Variants in PEAR1 observed in about 807,000 individuals in gnomAD.
PEAR1 encodes the protein platelet endothelial aggregation receptor 1.
PEAR1 carries 113 observed loss-of-function variants against 131.2 expected under a neutral mutation model. The observed-to-expected ratio is 0.86, with a 90% confidence interval of 0.74 to 1.01. The LOEUF (loss-of-function observed/expected upper bound fraction) is 1.01, where lower values mean the gene tolerates loss of function less well. PEAR1 is among the 50% of genes least tolerant of loss of function. The pLI is 0.00. For missense variants in PEAR1, 1,408 were observed against 1,391.1 expected, an observed-to-expected ratio of 1.01 and a Z score of -0.19; for synonymous variants, 565 against 523.3, an observed-to-expected ratio of 1.08 and a Z score of -1.09.
intron 18 of PEAR1, 59 bp from the exon 19 acceptor site, chr1:156,913,135 A>G (rs955799024): frequency 2.2e-5 from 34 of 1,576,350 alleles, no homozygotes; most frequent in Non-Finnish European, 2.9e-5. Flanking sequence ...GGGACAAAAC[A>G]GCTCTCTTGG....
Position 156,913,925 on chromosome 1 carries a change from G to A in PEAR1, c.2787G>A (p.Arg929=), listed in dbSNP as rs756263872. 2 of 1,614,066 alleles carry A rather than the reference G, an allele frequency of 1.2e-6. No homozygotes were observed. The highest frequency in any genetic ancestry group is 1.7e-5 in the Admixed American group (1 of 60,018). The part of the protein sequence containing the change: ...LSSENPYATI[R]DLPSLPGGPR... Reference sequence around the variant, plus strand: ...GTGAGAACCCATATGCCACCATCCGGGACCTGCCCAGCTTGCCAGGGGGCC... The same window carrying A: ...GTGAGAACCCATATGCCACCATCCGAGACCTGCCCAGCTTGCCAGGGGGCC... The change falls in exon 22 of 23, where the codon CGG becomes CGA. Residue 929 remains arginine (R), a synonymous_variant. Transcript: ENST00000292357.
rs772359257 is a variant in PEAR1 at position 156,907,927 on chromosome 1, T to C, written c.778T>C (p.Ser260Pro). The C allele has an allele frequency of 5.6e-6, 9 of 1,593,216 alleles. No individual in the cohort carries two copies. In the South Asian group the frequency reaches 1.0e-4, roughly 18 times the overall value. ...CPPGWMGTIC[S>P]LPCPEGFHGP... ...CTTATCCCCACAGGGCACCATCTGC[T>C]CCCTGCCCTGCCCAGAGGGCTTTCA... The change falls in exon 8 of 23, where the codon TCC (serine) becomes CCC (proline). Residue 260 changes from serine to proline, a missense_variant. By Grantham distance (74) the Ser-to-Pro change is moderately conservative (BLOSUM62 -1). Transcript: ENST00000292357.
At chr1:156,914,573 T>A in intron 22 of PEAR1, 74 bp from the exon 23 acceptor site, 1 of 1,433,126 alleles carries the variant, frequency 7.0e-7, no homozygotes, top group Non-Finnish European at 9.5e-7. Flanking sequence ...AGGAGAGGAG[T>A]GCAGTGGGAG....
In PEAR1 at chr1:156,907,976, G is replaced by A; in HGVS notation, c.827G>A (p.Cys276Tyr). The A allele has an allele frequency of 6.3e-7, 1 of 1,579,364 alleles. No homozygotes were observed. The highest frequency in any genetic ancestry group is 8.6e-7 in the Non-Finnish European group (1 of 1,161,674). ...CACGGACCCAACTGCTCCCAGGAAT[G>A]TCGCTGCCACAACGGCGGCCTCTGT... ...GFHGPNCSQE[C>Y]RCHNGGLCDR... Residue 276 changes from cysteine to tyrosine, a missense_variant, in exon 8 of 23, where the codon TGT becomes TAT. By Grantham distance (194) the Cys-to-Tyr change is radical. Transcript: ENST00000292357.
chr1:156,910,240 GCTGCCAC>G lies in PEAR1; in HGVS notation c.1689_1695del (p.His564ProfsTer119). 1 of 1,609,956 alleles carries G rather than the reference GCTGCCAC, an allele frequency of 6.2e-7. No homozygotes were observed. The highest frequency in any genetic ancestry group is 8.5e-7 in the Non-Finnish European group (1 of 1,177,478). The stretch of plus-strand genomic sequence containing the variant: ...CGACTGCTGTCTCCCACAGGTGCCC[GCTGCCAC>G]CTGTCCTGCCCTGAGGGCTTATGGG... On this transcript the variant is annotated frameshift_variant, in exon 14 of 23. Transcript: ENST00000292357. LOFTEE classifies it high-confidence loss of function.
chr1:156,913,762 T>C lies in PEAR1; in HGVS notation c.2713+2T>C. 1 of 1,613,774 alleles carries C rather than the reference T, an allele frequency of 6.2e-7. No homozygotes were observed. The highest frequency in any genetic ancestry group is 8.5e-7 in the Non-Finnish European group (1 of 1,179,872). On this transcript the variant is annotated splice_donor_variant, in intron 21 of 22. Transcript: ENST00000292357. LOFTEE classifies it high-confidence loss of function. ...GCCCAGGCCCATTCTACAATAAAGG[T>C]ATGGGCACAGGGGCAACAAGGGAGG...
intron 3 of PEAR1, 177 bp downstream of exon 3, chr1:156,905,029 C>A (rs538369602): frequency 6.6e-7 from 1 of 1,521,722 alleles, no homozygotes; most frequent in South Asian, 1.2e-5. Flanking sequence ...TATGTGAATG[C>A]GTGTATGTGT....
chr1:156,912,307 G>A lies in PEAR1; in HGVS notation c.2012G>A (p.Gly671Glu). The A allele has an allele frequency of 6.2e-7, 1 of 1,613,998 alleles. No homozygotes were observed. Among genetic ancestry groups the A allele is most frequent in the South Asian group, 1.1e-5 (1 of 91,078 alleles). Reference protein sequence around the residue: ...CAQTCQCHHGGTCHPQDGSCI... With the variant: ...CAQTCQCHHGETCHPQDGSCI... ...CAGACCTGCCAATGTCACCATGGTG[G>A]GACCTGCCATCCCCAGGATGGGAGC... is the stretch of plus-strand genomic sequence containing the variant. The change falls in exon 16 of 23, where the codon GGG becomes GAG. Residue 671 changes from glycine (G) to glutamate (E), a missense_variant. By Grantham distance (98) the Gly-to-Glu change is moderately conservative. Transcript: ENST00000292357.
At chr1:156,899,442 T>TC (rs1354917085) in intron 1 of PEAR1, among the ~76,000 whole-genome samples, 2 of 152,106 alleles carry the variant, frequency 1.3e-5, no homozygotes, top group African/African-American at 2.4e-5. Context: ...GGGATCAGGT[T>TC]CTCGGGGGAG....
At position 156,908,324 on chromosome 1, in the gene PEAR1, C is replaced by G; in HGVS notation, c.1099C>G (p.Arg367Gly). Residue 367 changes from arginine (R) to glycine (G), a missense_variant, in exon 9 of 23, where the codon CGG becomes GGG. Coordinates refer to ENST00000292357, the MANE Select transcript of PEAR1 (RefSeq NM_001080471.3). The surrounding 1 kb of genome is among the most constrained non-coding windows in gnomAD (Gnocchi z 4.2). ...LSCQAPCTCD[R>G]EHSLSCHPMN... ...CTGCCAGGCCCCCTGCACCTGCGAC[C>G]GGGAGCACAGCCTCAGGTGGGCCGC... 1 of 1,543,888 alleles carries G rather than the reference C, an allele frequency of 6.5e-7. No homozygotes were observed. The highest frequency in any genetic ancestry group is 8.7e-7 in the Non-Finnish European group (1 of 1,148,476).
chr1:156,910,255 G>A lies in PEAR1; in HGVS notation c.1700G>A (p.Cys567Tyr), dbSNP rs760024671. 4 of 1,612,774 alleles carry A rather than the reference G, an allele frequency of 2.5e-6. No homozygotes were observed. The highest frequency in any genetic ancestry group is 1.7e-5 in the Admixed American group (1 of 59,916). ...GWMGARCHLS[C>Y]PEGLWGVNCS... ...ACAGGTGCCCGCTGCCACCTGTCCT[G>A]CCCTGAGGGCTTATGGGGAGTCAAC... Residue 567 changes from cysteine (C) to tyrosine (Y), a missense_variant, in exon 14 of 23, where the codon TGC becomes TAC. Physicochemically the swap from Cys to Tyr is radical, Grantham distance 194. Coordinates refer to ENST00000292357, the MANE Select transcript of PEAR1 (RefSeq NM_001080471.3).
rs747370858 is a variant in PEAR1 at position 156,912,966 on chromosome 1, C to G, written c.2406C>G (p.Ser802=). 3 of 1,613,998 alleles carry G rather than the reference C, an allele frequency of 1.9e-6. No homozygotes were observed. Among genetic ancestry groups the G allele is most frequent in the Non-Finnish European group, 2.5e-6 (3 of 1,180,032 alleles). The part of the protein sequence containing the change: ...VAYSSGRLDG[S]EYVMPDVPPS... ...ACAGCAGCGGGCGCCTGGACGGCTC[C>G]GAGTATGTCATGCCAGGTGAGCTGG... Residue 802 remains serine, a synonymous_variant, in exon 18 of 23, where the codon TCC becomes TCG. Transcript: ENST00000292357.
At position 156,909,911 on chromosome 1, in the gene PEAR1, T is replaced by G. The variant is rs182863354; in HGVS notation, c.1572T>G (p.Cys524Trp). The change falls in exon 12 of 23, where the codon TGT becomes TGG. Residue 524 changes from cysteine to tryptophan, a missense_variant. Transcript: ENST00000292357. ...GWHGAHCQLP[C>W]PKGQFGEGCA... ...ATGGGGCCCACTGCCAGCTGCCCTG[T>G]CCGGTGAGTGCTGGACAGCCTGTCT... 1.2e-6 allele frequency: 2 copies of G among 1,609,226 alleles called. No homozygotes were observed. The highest frequency in any genetic ancestry group is 1.7e-6 in the Non-Finnish European group (2 of 1,176,856).
intron 15 of PEAR1, 88 bp from the exon 16 acceptor site, chr1:156,912,159 G>A: frequency 6.7e-7 from 1 of 1,502,970 alleles, no homozygotes; most frequent in Non-Finnish European, 8.9e-7. Context: ...CCAAAGCTGA[G>A]CTAAAGGCTT....
At chr1:156,899,672 G>A (rs1464938693) in intron 1 of PEAR1, among the ~76,000 whole-genome samples, 5 of 152,206 alleles carry the variant, frequency 3.3e-5, no homozygotes, top group Admixed American at 1.3e-4. Flanking sequence ...TGTTAACTGA[G>A]CATATTAGGT....
At chr1:156,894,518 C>T (rs1570927047) in intron 1 of PEAR1, among the ~76,000 whole-genome samples, 1 of 152,208 alleles carries the variant, frequency 6.6e-6, no homozygotes, top group East Asian at 1.9e-4. Context: ...CTGGCTCTCA[C>T]ATCTTTGCCA....
intron 15 of PEAR1, among the ~76,000 whole-genome samples, chr1:156,911,338 G>A (rs1221957806): frequency 1.4e-5 from 2 of 140,478 alleles, no homozygotes; most frequent in Admixed American, 1.5e-4. Flanking sequence ...CTAGAGTGCA[G>A]TGGCATGATC....
At position 156,912,903 on chromosome 1, in the gene PEAR1, G is replaced by C; in HGVS notation, c.2343G>C (p.Trp781Cys). 1 of 1,614,206 alleles carries C rather than the reference G, an allele frequency of 6.2e-7. No individual in the cohort carries two copies. The highest frequency in any genetic ancestry group is 1.7e-5 in the Admixed American group (1 of 60,024). ...CACTGTTCATTGGCTATCGGCACTG[G>C]CAAAAAGGCAAGGAGCACCACCACC... ...LVALFIGYRH[W>C]QKGKEHHHLA... The change falls in exon 18 of 23, where the codon TGG becomes TGC. Residue 781 changes from tryptophan to cysteine, a missense_variant. By Grantham distance (215) the Trp-to-Cys change is radical. Coordinates refer to ENST00000292357, the MANE Select transcript of PEAR1 (RefSeq NM_001080471.3).
At chr1:156,899,788 C>T (rs1649499611) in intron 1 of PEAR1, among the ~76,000 whole-genome samples, 2 of 151,578 alleles carry the variant, frequency 1.3e-5, no homozygotes, top group African/African-American at 4.9e-5. Context: ...GAACTGCAGG[C>T]TGGGATTCAC....
Sources: allele counts gnomAD v4.1 joint callset (sites outside exome capture counted in the v4.1 genomes callset), GRCh38; gene constraint gnomAD v4.1.1; non-coding constraint Gnocchi (gnomAD v3.1); transcripts MANE v1.5; gene names NCBI Gene and HGNC (gene_info 2026-07-23, HGNC 2026-07-21).